SATB1: variants seen among roughly 807,000 people sequenced by gnomAD.
SATB1 encodes SATB homeobox 1.
A neutral mutation model predicts 86.9 loss-of-function variants in SATB1; 11 were observed. The observed-to-expected ratio is 0.13, with a 90% CI of 0.08 to 0.21. SATB1 has a LOEUF of 0.21. SATB1 is among the 10% of genes least tolerant of loss of function. SATB1 has a pLI of 1.00. For synonymous variants in SATB1, 357 were observed against 357.2 expected, an observed-to-expected ratio of 1.00 and a Z score of 0.01; for missense variants, 551 against 937.6, an observed-to-expected ratio of 0.59 and a Z score of 5.39.
chr3:18,415,932 A>C, intron 4 of SATB1, 75 bp downstream of exon 4: 1 of 1,397,170 alleles, frequency 7.2e-7, no homozygotes. Flanking sequence ...TTGAAGGTCG[A>C]CCAGAGAGAA....
intron 1 of SATB1, among the ~76,000 whole-genome samples, chr3:18,421,701 C>T (rs1224279160): frequency 2.0e-5 from 3 of 152,158 alleles, no homozygotes; most frequent in South Asian, 2.1e-4. Context: ...AAATATCCAA[C>T]GTACTGATGC....
chr3:18,415,375 T>A (rs553211253), intron 4 of SATB1, 141 bp from the exon 5 acceptor site: 1 of 911,860 alleles, frequency 1.1e-6, no homozygotes, highest in Non-Finnish European at 1.7e-6. Flanking sequence ...ATTGTTCCGA[T>A]TAGTTAATTA....
intron 9 of SATB1, among the ~76,000 whole-genome samples, chr3:18,372,663 T>C (rs1217312861): frequency 1.3e-5 from 2 of 152,184 alleles, no homozygotes; most frequent in Admixed American, 1.3e-4. Flanking sequence ...AGAAGGCATA[T>C]TCAGATCCAC....
At chr3:18,373,345 G>A (rs564094832) in intron 9 of SATB1, among the ~76,000 whole-genome samples, 69 of 152,296 alleles carry the variant, frequency 4.5e-4, no homozygotes, top group Admixed American at 1.2e-3. Flanking sequence ...AGCAAAGTCT[G>A]TTATATGAAC....
rs944356881 is a variant in SATB1, at chr3:18,416,985, C to T, written c.305G>A (p.Arg102Lys). ...CAGCTGGTTGAAAAGCATATCCTTTCTCACCAGCACAAATTCTGCATGCTC... is the reference window on the plus strand; with the variant it reads ...CAGCTGGTTGAAAAGCATATCCTTTTTCACCAGCACAAATTCTGCATGCTC... ...KEEHAEFVLV[R>K]KDMLFNQLIE... is the part of the protein sequence containing the mutation. The change falls in exon 3 of 11, where the codon AGA becomes AAA. Residue 102 changes from arginine to lysine, a missense_variant. Arg to Lys is a conservative substitution (Grantham distance 26). Transcript: ENST00000338745. 4.3e-6 allele frequency: 7 copies of T among 1,613,698 alleles called. No individual in the cohort carries two copies. The East Asian group carries it at 1.6e-4, about 36-fold the overall frequency.
chr3:18,387,915 C>CAT (rs1249085155), intron 7 of SATB1, among the ~76,000 whole-genome samples: 2 of 152,072 alleles, frequency 1.3e-5, no homozygotes, highest in African/African-American at 4.8e-5. Context: ...GATAATGTAC[C>CAT]ATGTTGCCGA....
intron 8 of SATB1, among the ~76,000 whole-genome samples, chr3:18,384,905 T>C (rs901472366): frequency 2.0e-5 from 3 of 152,202 alleles, no homozygotes; most frequent in Admixed American, 6.5e-5. Context: ...AGCATGACTT[T>C]TTTATTCACA....
chr3:18,414,048 T>A (rs188381604), intron 5 of SATB1, among the ~76,000 whole-genome samples: 19 of 152,234 alleles, frequency 1.2e-4, no homozygotes, highest in South Asian at 8.3e-4. Flanking sequence ...GAAATACACT[T>A]TGAGATCTCT....
chr3:18,402,096 CATA>C (rs1222848388), intron 5 of SATB1, among the ~76,000 whole-genome samples: 1 of 152,090 alleles, frequency 6.6e-6, no homozygotes, highest in Non-Finnish European at 1.5e-5. Context: ...GTTAAGGTTA[CATA>C]ATGTTTCAAA....
chr3:18,437,386 T>C (rs888454368), intron 1 of SATB1, among the ~76,000 whole-genome samples: 2 of 152,152 alleles, frequency 1.3e-5, no homozygotes, highest in Admixed American at 1.3e-4. Context: ...AAACCTTTCA[T>C]AATTCTGAAC....
chr3:18,433,039 A>C (rs1236281124), intron 2 of SATB1, among the ~76,000 whole-genome samples: 2 of 152,164 alleles, frequency 1.3e-5, no homozygotes, highest in Non-Finnish European at 2.9e-5. Flanking sequence ...ATTAACATGG[A>C]TTGGTAATTA....
chr3:18,363,599 C>T (rs1384876337), intron 9 of SATB1, among the ~76,000 whole-genome samples: 1 of 152,108 alleles, frequency 6.6e-6, no homozygotes, highest in Non-Finnish European at 1.5e-5. Context: ...TCCTTGTGAG[C>T]CCACTCCAGC....
chr3:18,442,323 T>G (rs556813765), upstream of SATB1, among the ~76,000 whole-genome samples: 1 of 152,284 alleles, frequency 6.6e-6, no homozygotes, highest in South Asian at 2.1e-4. Flanking sequence ...TTGTATAATG[T>G]TAGATGTAGC....
intron 5 of SATB1, among the ~76,000 whole-genome samples, chr3:18,412,067 G>A (rs2125151551): frequency 6.6e-6 from 1 of 151,986 alleles, no homozygotes. Flanking sequence ...CGCCTCCTGG[G>A]TTCAAGCAAT....
chr3:18,408,292 C>T (rs191935782), intron 5 of SATB1, among the ~76,000 whole-genome samples: 32 of 151,982 alleles, frequency 2.1e-4, no homozygotes, highest in Admixed American at 1.8e-3. Context: ...ATGAATTGTC[C>T]ATGATGAAAC....
chr3:18,397,098 T>C, intron 6 of SATB1, 81 bp downstream of exon 6: 2 of 808,814 alleles, frequency 2.5e-6, no homozygotes, highest in East Asian at 4.9e-5. Context: ...TCAAAAGACC[T>C]GGCTTTAGAT....
chr3:18,428,332 A>G (rs1698778196), upstream of SATB1, among the ~76,000 whole-genome samples: 2 of 152,138 alleles, frequency 1.3e-5, no homozygotes, highest in Admixed American at 6.5e-5. Flanking sequence ...TAATCCATTA[A>G]CCCATTAATC....
chr3:18,385,609 C>G (rs985473802), intron 8 of SATB1, among the ~76,000 whole-genome samples: 2 of 140,704 alleles, frequency 1.4e-5, no homozygotes, highest in Non-Finnish European at 3.0e-5. Flanking sequence ...GGTGACAGAG[C>G]GGCACTCCAT....
chr3:18,404,150 G>A (rs1306418246), intron 5 of SATB1, among the ~76,000 whole-genome samples: 1 of 152,060 alleles, frequency 6.6e-6, no homozygotes, highest in Admixed American at 6.6e-5. Context: ...AAATTAACAG[G>A]TAGTTCCCAT....
Sources: gnomAD v4.1 joint callset for allele counts (sites outside exome capture counted in the v4.1 genomes callset) on GRCh38, gnomAD v4.1.1 for gene constraint, MANE v1.5 for transcripts, NCBI Gene and HGNC (gene_info 2026-07-23, HGNC 2026-07-21) for gene names.